The following PLA2G4A variants were observed in gnomAD, a reference collection of about 807,000 sequenced individuals.
PLA2G4A encodes the protein cytosolic phospholipase A2.
PLA2G4A carries 40 observed loss-of-function variants against 81.9 expected under a neutral mutation model. The observed-to-expected ratio is 0.49, with a 90% confidence interval of 0.38 to 0.64. The LOEUF is 0.64. Ranked by LOEUF, PLA2G4A falls within the 30% of genes least tolerant of loss-of-function variation. The pLI is 0.00. For synonymous variants in PLA2G4A, 302 were observed against 296.9 expected (o/e 1.02, Z -0.18); for missense variants, 715 against 905.1 (o/e 0.79, Z 2.69).
chr1:186,866,221 A>C (rs1653021854), intron 2 of PLA2G4A, among the ~76,000 whole-genome samples: 1 of 152,028 alleles, frequency 6.6e-6, no homozygotes, highest in Non-Finnish European at 1.5e-5. Flanking sequence ...TGGCCCCAGG[A>C]AACATGGTAA....
intron 1 of PLA2G4A, among the ~76,000 whole-genome samples, chr1:186,850,057 C>A (rs1003497238): frequency 1.3e-5 from 2 of 152,106 alleles, no homozygotes; most frequent in South Asian, 4.1e-4. Flanking sequence ...ATTTTGCAAT[C>A]TTTTGCACTA....
At chr1:186,984,225 C>G (rs918186487) in intron 17 of PLA2G4A, among the ~76,000 whole-genome samples, 1 of 152,036 alleles carries the variant, frequency 6.6e-6, no homozygotes, top group African/African-American at 2.4e-5. Context: ...AGTTCCCAAC[C>G]ATGGGGAATT....
intron 1 of PLA2G4A, among the ~76,000 whole-genome samples, chr1:186,849,177 A>G (rs1408829371): frequency 6.6e-6 from 1 of 152,122 alleles, no homozygotes; most frequent in Non-Finnish European, 1.5e-5. Context: ...ACCTGGCACT[A>G]CTTTGAATAT....
At chr1:186,870,397 G>A (rs1653213882) in intron 2 of PLA2G4A, 38 bp from the exon 3 acceptor site, 2 of 1,211,796 alleles carry the variant, frequency 1.7e-6, no homozygotes, top group South Asian at 2.4e-5. Flanking sequence ...GTTCTATGTT[G>A]GAAGCTTATT....
chr1:186,884,074 G>A (rs146677838), intron 3 of PLA2G4A, among the ~76,000 whole-genome samples: 11 of 152,150 alleles, frequency 7.2e-5, no homozygotes, highest in African/African-American at 2.6e-4. Context: ...ATTTGAGGCT[G>A]GGGATTAAAA....
At chr1:186,960,269 GTTA>G (rs1054689587) in intron 14 of PLA2G4A, among the ~76,000 whole-genome samples, 39 of 152,132 alleles carry the variant, frequency 2.6e-4, no homozygotes, top group African/African-American at 9.4e-4. Context: ...AAAGACATGA[GTTA>G]ATTTAGGCTA....
At chr1:186,932,008 C>T (rs1278526242) in intron 7 of PLA2G4A, among the ~76,000 whole-genome samples, 1 of 152,136 alleles carries the variant, frequency 6.6e-6, no homozygotes. Flanking sequence ...GGTGCTTACT[C>T]AACTATGAAT....
chr1:186,895,850 T>A (rs1654315111), intron 5 of PLA2G4A, among the ~76,000 whole-genome samples: 1 of 152,228 alleles, frequency 6.6e-6, no homozygotes, highest in Non-Finnish European at 1.5e-5. Flanking sequence ...CCTTGCCATC[T>A]GTTTTATTCT....
chr1:186,962,494 ATTTATTTATTT>A (rs1557893955), intron 14 of PLA2G4A, among the ~76,000 whole-genome samples: 1 of 103,184 alleles, frequency 9.7e-6, no homozygotes, highest in East Asian at 3.3e-4. Context: ...TATTTTATTT[ATTTATTTATTT>A]ATTTATTTAT....
chr1:186,917,947 C>T (rs1337447452), intron 7 of PLA2G4A, among the ~76,000 whole-genome samples: 1 of 152,178 alleles, frequency 6.6e-6, no homozygotes, highest in Non-Finnish European at 1.5e-5. Context: ...GAAGTACCGG[C>T]CTAACAATTC....
chr1:186,889,411 C>T (rs187717859), intron 3 of PLA2G4A, among the ~76,000 whole-genome samples: 2 of 152,260 alleles, frequency 1.3e-5, no homozygotes, highest in African/African-American at 4.8e-5. Context: ...TTACAATAAC[C>T]CTGGGCATTT....
intron 6 of PLA2G4A, among the ~76,000 whole-genome samples, chr1:186,908,450 T>G (rs748869447): frequency 2.6e-5 from 4 of 151,988 alleles, no homozygotes; most frequent in Non-Finnish European, 5.9e-5. Flanking sequence ...TAGTGATTGA[T>G]AGATTTCTAA....
chr1:186,936,451 G>C (rs1429304322), intron 8 of PLA2G4A, among the ~76,000 whole-genome samples: 1 of 151,948 alleles, frequency 6.6e-6, no homozygotes, highest in African/African-American at 2.4e-5. Context: ...TGAATGAAGA[G>C]ATGTGTTAAG....
intron 5 of PLA2G4A, among the ~76,000 whole-genome samples, chr1:186,894,908 G>A (rs957391753): frequency 2.6e-5 from 4 of 152,180 alleles, no homozygotes; most frequent in Admixed American, 1.3e-4. Context: ...ACAACTGGTG[G>A]GCCTGTATGT....
chr1:186,854,511 G>T, intron 2 of PLA2G4A, 124 bp downstream of exon 2: 2 of 737,534 alleles, frequency 2.7e-6, no homozygotes, highest in South Asian at 1.4e-5. Flanking sequence ...AAACTCATAT[G>T]AACTTAATAT....
At chr1:186,855,553 A>C (rs748418263) in intron 2 of PLA2G4A, among the ~76,000 whole-genome samples, 1 of 152,044 alleles carries the variant, frequency 6.6e-6, no homozygotes, top group Non-Finnish European at 1.5e-5. Flanking sequence ...TCTAGTCAAT[A>C]ACTTGCCTCA....
intron 1 of PLA2G4A, among the ~76,000 whole-genome samples, chr1:186,853,379 C>G (rs1328720723): frequency 1.3e-5 from 2 of 151,674 alleles, no homozygotes; most frequent in African/African-American, 4.8e-5. Flanking sequence ...ATTCTTTGTT[C>G]ACTTCAGCAG....
chr1:186,831,955 T>C (rs879734538), intron 1 of PLA2G4A, among the ~76,000 whole-genome samples: 56 of 39,260 alleles, frequency 1.4e-3, no homozygotes, highest in Non-Finnish European at 1.4e-3. Flanking sequence ...TTAAAACATG[T>C]TTTTTTTAAT....
chr1:186,908,136 G>A (rs772515511), intron 6 of PLA2G4A, among the ~76,000 whole-genome samples: 4 of 151,872 alleles, frequency 2.6e-5, no homozygotes, highest in Non-Finnish European at 5.9e-5. Flanking sequence ...TCCATGTCAT[G>A]CCTTCTATTA....
Sources: allele counts gnomAD v4.1 joint callset (sites outside exome capture counted in the v4.1 genomes callset), GRCh38; gene constraint gnomAD v4.1.1; transcripts MANE v1.5; gene names NCBI Gene and HGNC (gene_info 2026-07-23, HGNC 2026-07-21).